GRK5: variants seen among roughly 807,000 people sequenced by gnomAD.
GRK5 encodes g protein-coupled receptor kinase GRK5.
In GRK5, 40 loss-of-function variants were observed where a neutral mutation model predicts 78.4. That is an observed-to-expected ratio of 0.51 (90% CI 0.40 to 0.66). GRK5 has a LOEUF of 0.66. GRK5 is among the 30% of genes least tolerant of loss of function. GRK5 has a pLI of 0.00. For synonymous variants in GRK5, 289 were observed against 296.8 expected (o/e 0.97, Z 0.27); for missense variants, 598 against 759.9 (o/e 0.79, Z 2.50).
intron 1 of GRK5, among the ~76,000 whole-genome samples, chr10:119,268,954 G>A (rs980078610): frequency 3.9e-5 from 6 of 152,148 alleles, no homozygotes; most frequent in Non-Finnish European, 7.4e-5. Context: ...ACCCTGCAGC[G>A]GAGTCCCCAT....
chr10:119,435,232 G>A (rs1419550324), intron 8 of GRK5, among the ~76,000 whole-genome samples: 1 of 152,204 alleles, frequency 6.6e-6, no homozygotes, highest in Non-Finnish European at 1.5e-5. Flanking sequence ...CCATGGTCTT[G>A]GGGATTAACA....
At chr10:119,282,572 G>T (rs1296478342) in intron 1 of GRK5, among the ~76,000 whole-genome samples, 1 of 152,240 alleles carries the variant, frequency 6.6e-6, no homozygotes, top group Admixed American at 6.5e-5. Context: ...TGCGGCCCTG[G>T]ATGGGCTCAT....
rs1852990101 is a variant in GRK5, at chr10:119,439,606, G to A, written c.930-125G>A. 1.7e-5 allele frequency: 13 copies of A among 762,250 alleles called. No individual in the cohort carries two copies. In the South Asian group the frequency reaches 2.0e-4, roughly 12 times the overall value. The allele number at this position is 762,250 out of a possible 1,614,324, so 47.2% of individuals were successfully genotyped here. The stretch of plus-strand genomic sequence containing the variant: ...GACTCAAACCAGACAGCCTGAGCCA[G>A]GAGGTGGGAAGGAAACACACTGTGG... On this transcript the variant is annotated intron_variant, in intron 9 of 15. Transcript: ENST00000392870.
At chr10:119,423,356 G>A in intron 5 of GRK5, 90 bp downstream of exon 5, 1 of 862,774 alleles carries the variant, frequency 1.2e-6, no homozygotes, top group Non-Finnish European at 1.9e-6. Context: ...GGGCACTGAG[G>A]CAGGTCTTCC....
chr10:119,315,039 A>T (rs1183218799), intron 1 of GRK5, among the ~76,000 whole-genome samples: 1 of 152,072 alleles, frequency 6.6e-6, no homozygotes, highest in East Asian at 1.9e-4. Context: ...CGTCTGTCTC[A>T]CTTATGGGGA....
intron 12 of GRK5, among the ~76,000 whole-genome samples, chr10:119,447,143 C>G (rs750788010): frequency 6.6e-6 from 1 of 152,200 alleles, no homozygotes; most frequent in East Asian, 1.9e-4. Context: ...CTAGTCAAGG[C>G]CCCCTGCGCA....
At chr10:119,209,959 C>A (rs1342711140) in intron 1 of GRK5, among the ~76,000 whole-genome samples, 1 of 152,066 alleles carries the variant, frequency 6.6e-6, no homozygotes, top group Non-Finnish European at 1.5e-5. Flanking sequence ...AAATTGTTCT[C>A]CCCAGTATTT....
At chr10:119,290,898 G>A (rs1025002146) in intron 1 of GRK5, among the ~76,000 whole-genome samples, 1 of 152,126 alleles carries the variant, frequency 6.6e-6, no homozygotes, top group African/African-American at 2.4e-5. Flanking sequence ...CCATCCTTGT[G>A]TTCCTGGCAG....
chr10:119,382,290 A>G (rs1851724730), intron 3 of GRK5, among the ~76,000 whole-genome samples: 1 of 140,046 alleles, frequency 7.1e-6, no homozygotes, highest in Non-Finnish European at 1.6e-5. Context: ...GAGTGATTAC[A>G]GTAGTTTTCA....
intron 1 of GRK5, among the ~76,000 whole-genome samples, chr10:119,320,555 G>A (rs1178677714): frequency 3.3e-5 from 5 of 152,244 alleles, no homozygotes; most frequent in Admixed American, 3.3e-4. Context: ...CGTGGAGAAT[G>A]GGCCTGCTTC....
intron 1 of GRK5, among the ~76,000 whole-genome samples, chr10:119,313,062 GT>G (rs113754814): frequency 0.099 from 4,421 of 44,828 alleles, 141 homozygotes; most frequent in African/African-American, 0.23. Context: ...AATGATGATG[GT>G]GGTGGTGATG....
At chr10:119,254,929 C>T (rs895592242) in intron 1 of GRK5, among the ~76,000 whole-genome samples, 1 of 151,584 alleles carries the variant, frequency 6.6e-6, no homozygotes, top group Non-Finnish European at 1.5e-5. Flanking sequence ...TTGGCAGGTG[C>T]CTGTAATCCC....
Position 119,258,399 on chromosome 10 carries a change from G to GT in GRK5, c.52+50436dup, listed in dbSNP as rs571390149. ...AAGCCACTATAAGCATTCACGAACA[G>GT]TTTTTTCTCTGAACACAAGTTTTCT... is the stretch of plus-strand genomic sequence containing the variant. On this transcript the variant is annotated intron_variant, in intron 1 of 15. Transcript: ENST00000392870. 2.6e-5 allele frequency among the ~76,000 whole-genome samples: 4 copies of GT among 152,320 alleles called. No homozygotes were observed. The South Asian group carries it at 6.2e-4, about 24-fold the overall frequency.
Position 119,358,778 on chromosome 10 carries a change from A to T in GRK5, c.149-22037A>T, listed in dbSNP as rs572251508. On this transcript the variant is annotated intron_variant, in intron 2 of 15. Coordinates refer to ENST00000392870, the MANE Select transcript of GRK5 (RefSeq NM_005308.3). ...AAATACCACAGAGTGGGCGGCTTAGACAACAGGTATTTCTTTCCTCACAGT... is the reference window on the plus strand; with the variant it reads ...AAATACCACAGAGTGGGCGGCTTAGTCAACAGGTATTTCTTTCCTCACAGT... Among the ~76,000 whole-genome samples the T allele has an allele frequency of 5.9e-5, 9 of 152,276 alleles. No homozygotes were observed. The East Asian group carries it at 1.7e-3, about 29-fold the overall frequency.
At chr10:119,381,848 T>C (rs1248489920) in intron 3 of GRK5, among the ~76,000 whole-genome samples, 2 of 152,172 alleles carry the variant, frequency 1.3e-5, no homozygotes, top group Non-Finnish European at 2.9e-5. Flanking sequence ...CTATCTCAGT[T>C]TGGGGGACAA....
Position 119,455,144 on chromosome 10 carries a change from T to G in GRK5, c.*77T>G. On this transcript the variant is annotated 3_prime_UTR_variant, in exon 16 of 16. Coordinates refer to ENST00000392870, the MANE Select transcript of GRK5 (RefSeq NM_005308.3). ...TTAGAAGTGGAAGTAGTGGAGCCCCTGCTCTGGTGGGGCTGCCAGGGGAGA... is the reference window on the plus strand; with the variant it reads ...TTAGAAGTGGAAGTAGTGGAGCCCCGGCTCTGGTGGGGCTGCCAGGGGAGA... The G allele has an allele frequency of 5.1e-6, 6 of 1,174,538 alleles. No individual in the cohort carries two copies. Among genetic ancestry groups the G allele is most frequent in the Non-Finnish European group, 7.7e-6 (6 of 784,304 alleles). The allele number at this position is 1,174,538 out of a possible 1,614,324, so 72.8% of individuals were successfully genotyped here.
At chr10:119,415,081 C>CAA (rs762165768) in intron 4 of GRK5, among the ~76,000 whole-genome samples, 1,820 of 74,956 alleles carry the variant, frequency 0.024, 47 homozygotes, top group South Asian at 0.044. Context: ...GACTCTGTCT[C>CAA]AAAAAAAAAA....
At chr10:119,453,121 GT>G (rs1853324844) in intron 14 of GRK5, 23 bp from the exon 15 acceptor site, 1 of 1,446,414 alleles carries the variant, frequency 6.9e-7, no homozygotes, top group African/African-American at 1.4e-5. Flanking sequence ...GACGGCCTGT[GT>G]TTTGTTTTCA....
At chr10:119,391,797 T>TG (rs1285588806) in intron 3 of GRK5, among the ~76,000 whole-genome samples, 1 of 152,144 alleles carries the variant, frequency 6.6e-6, no homozygotes, top group Non-Finnish European at 1.5e-5. Context: ...GCGGGGTGCA[T>TG]GGTGAGCATT....
Sources: allele counts gnomAD v4.1 joint callset (sites outside exome capture counted in the v4.1 genomes callset), GRCh38; gene constraint gnomAD v4.1.1; transcripts MANE v1.5; gene names NCBI Gene and HGNC (gene_info 2026-07-23, HGNC 2026-07-21).